The following SYK variants were observed in gnomAD, a reference collection of about 807,000 sequenced individuals.
SYK encodes the protein spleen associated tyrosine kinase.
Under a neutral mutation model 77.8 loss-of-function variants are expected in SYK, and 16 were observed. That is an observed-to-expected ratio of 0.21 (90% CI 0.14 to 0.31). The LOEUF is 0.31. SYK is among the 10% of genes least tolerant of loss of function. SYK has a pLI of 1.00. For synonymous variants in SYK, 312 were observed against 308.7 expected (o/e 1.01, Z -0.11); for missense variants, 529 against 814.4 (o/e 0.65, Z 4.26).
At chr9:90,849,249 A>AT (rs1024550173) in intron 3 of SYK, among the ~76,000 whole-genome samples, 8 of 152,094 alleles carry the variant, frequency 5.3e-5, no homozygotes, top group South Asian at 2.1e-4. Context: ...AAATGTGTTG[A>AT]TTTTTTTATC....
At chr9:90,842,758 AGTGTGTGTGT>A (rs60139969) in intron 1 of SYK, among the ~76,000 whole-genome samples, 1 of 58,348 alleles carries the variant, frequency 1.7e-5, no homozygotes, top group Non-Finnish European at 3.9e-5. Flanking sequence ...GTATGGAGAG[AGTGTGTGTGT>A]GTGTGTGTGT....
At chr9:90,887,692 T>C in intron 11 of SYK, 57 bp from the exon 12 acceptor site, 3 of 1,538,808 alleles carry the variant, frequency 1.9e-6, no homozygotes, top group Admixed American at 1.9e-5. Context: ...CATGAACCAA[T>C]GTGCCCGGCC....
intron 3 of SYK, among the ~76,000 whole-genome samples, chr9:90,845,829 G>A (rs1040584056): frequency 1.3e-5 from 2 of 152,176 alleles, no homozygotes; most frequent in Non-Finnish European, 2.9e-5. Flanking sequence ...TTTGGGCACC[G>A]AGGGATGTAA....
Position 90,822,837 on chromosome 9 carries a change from A to G in SYK, c.-42+20944A>G, listed in dbSNP as rs182707922. On this transcript the variant is annotated intron_variant, in intron 1 of 13. Coordinates refer to ENST00000375754, the MANE Select transcript of SYK (RefSeq NM_003177.7). ...GCCCCTGAGGTCCACACCTGGAGCT[A>G]ATCATCTCTTTGAATAACACTGTAG... Among the ~76,000 whole-genome samples the G allele has an allele frequency of 3.3e-5, 5 of 152,348 alleles. No homozygotes were observed. In the East Asian group the frequency reaches 7.7e-4, roughly 24 times the overall value.
intron 13 of SYK, among the ~76,000 whole-genome samples, chr9:90,891,290 C>T (rs575065833): frequency 6.6e-5 from 10 of 152,070 alleles, no homozygotes; most frequent in South Asian, 2.1e-4. Context: ...GGACTACAGG[C>T]GCCCGCCACC....
chr9:90,861,375 C>T (rs780362038), intron 3 of SYK, among the ~76,000 whole-genome samples: 5 of 152,322 alleles, frequency 3.3e-5, no homozygotes, highest in Middle Eastern at 3.4e-3. Flanking sequence ...CTGCTCAGCA[C>T]GGCCAGCACA....
At chr9:90,827,193 G>T (rs1296647692) in intron 1 of SYK, among the ~76,000 whole-genome samples, 1 of 152,016 alleles carries the variant, frequency 6.6e-6, no homozygotes, top group African/African-American at 2.4e-5. Context: ...GCATTTCCAG[G>T]CTGGCTAAGC....
chr9:90,804,074 G>A (rs781303047), intron 1 of SYK, among the ~76,000 whole-genome samples: 1 of 151,952 alleles, frequency 6.6e-6, no homozygotes, highest in Non-Finnish European at 1.5e-5. Context: ...GAGGGACTGA[G>A]TCTGTATTAG....
chr9:90,865,072 C>T lies in SYK; in HGVS notation c.821C>T (p.Pro274Leu). The T allele has an allele frequency of 1.2e-6, 2 of 1,614,126 alleles. No homozygotes were observed. Among genetic ancestry groups the T allele is most frequent in the Non-Finnish European group, 1.7e-6 (2 of 1,180,004 alleles). The part of the protein sequence containing the change: ...TQGNVNFGGR[P>L]QLPGSHPATW... The stretch of plus-strand genomic sequence containing the variant: ...GGAAATGTTAATTTTGGAGGCCGTC[C>T]ACAACTTCCAGGTTCCCATCCTGCG... The change falls in exon 6 of 14, where the codon CCA becomes CTA. Residue 274 changes from proline (P) to leucine (L), a missense_variant. Physicochemically the swap from Pro to Leu is moderately conservative, Grantham distance 98. Coordinates refer to ENST00000375754, the MANE Select transcript of SYK (RefSeq NM_003177.7).
chr9:90,845,321 A>G, intron 2 of SYK, 113 bp from the exon 3 acceptor site: 2 of 1,119,510 alleles, frequency 1.8e-6, no homozygotes, highest in Non-Finnish European at 2.5e-6. Context: ...ATGAGTGAAT[A>G]AGTTTTGATC....
chr9:90,837,026 T>C (rs1826110677), intron 1 of SYK, among the ~76,000 whole-genome samples: 1 of 152,084 alleles, frequency 6.6e-6, no homozygotes, highest in Non-Finnish European at 1.5e-5. Flanking sequence ...AAGAATATAG[T>C]ATATGATACA....
At chr9:90,859,690 G>A (rs1429603525) in intron 3 of SYK, among the ~76,000 whole-genome samples, 1 of 152,148 alleles carries the variant, frequency 6.6e-6, no homozygotes, top group Non-Finnish European at 1.5e-5. Flanking sequence ...AAGTGGGTGA[G>A]CCCATTTATG....
chr9:90,867,485 C>T lies in SYK; in HGVS notation c.915+286C>T, dbSNP rs921379679. 1.2e-4 allele frequency among the ~76,000 whole-genome samples: 19 copies of T among 152,182 alleles called. 2 individuals carry two copies. The highest frequency in any genetic ancestry group is 2.9e-5 in the Non-Finnish European group (2 of 68,038). On this transcript the variant is annotated intron_variant, in intron 7 of 13. Transcript: ENST00000375754. ...TAAAGTCGTTTCAGTTGGCGTCATC[C>T]GTCATAGCTAATTATCATGTCCGAA...
rs290975 is a variant in SYK at position 90,826,274 on chromosome 9, G to C, written c.-41-17584G>C. On this transcript the variant is annotated intron_variant, in intron 1 of 13. Transcript: ENST00000375754. ...TGACCCTCCTGAGGCTCGATGACCA[G>C]GTCTGTGAATTGAGGATAACAATAG... 1.9e-3 allele frequency among the ~76,000 whole-genome samples: 296 copies of C among 152,232 alleles called. 1 individual carries two copies. The highest frequency in any genetic ancestry group is 6.9e-3 in the African/African-American group (288 of 41,576).
intron 1 of SYK, among the ~76,000 whole-genome samples, chr9:90,819,242 A>G (rs1167588490): frequency 6.6e-6 from 1 of 152,342 alleles, no homozygotes; most frequent in Admixed American, 6.5e-5. Flanking sequence ...GAGATAATAT[A>G]TGGTTGATCC....
intron 3 of SYK, among the ~76,000 whole-genome samples, chr9:90,858,767 A>G (rs190114984): frequency 3.3e-5 from 5 of 152,314 alleles, no homozygotes; most frequent in African/African-American, 1.2e-4. Flanking sequence ...TTTGCCACCT[A>G]CAGATGCTGG....
chr9:90,871,663 T>C (rs1827730963), intron 7 of SYK, among the ~76,000 whole-genome samples: 2 of 152,228 alleles, frequency 1.3e-5, no homozygotes, highest in Non-Finnish European at 1.5e-5. Context: ...TTTAACTGAC[T>C]CAATAGGAAA....
In SYK at chr9:90,833,765, G is replaced by T. The variant is rs114551543; in HGVS notation, c.-41-10093G>T. Among the ~76,000 whole-genome samples the T allele has an allele frequency of 8.0e-3, 1,219 of 152,304 alleles. 15 individuals are homozygous for T. The highest frequency in any genetic ancestry group is 0.027 in the African/African-American group (1,128 of 41,552). On this transcript the variant is annotated intron_variant, in intron 1 of 13. Coordinates refer to ENST00000375754, the MANE Select transcript of SYK (RefSeq NM_003177.7). Reference sequence around the variant, plus strand: ...TTCCCAACTAAATGCATTTTAAAGGGCAAAGGTTGTATAGTCAGCTTTAGT... The same window carrying T: ...TTCCCAACTAAATGCATTTTAAAGGTCAAAGGTTGTATAGTCAGCTTTAGT...
At chr9:90,803,675 C>T (rs1359333591) in intron 1 of SYK, among the ~76,000 whole-genome samples, 1 of 152,004 alleles carries the variant, frequency 6.6e-6, no homozygotes, top group African/African-American at 2.4e-5. Flanking sequence ...TTATTTAGCA[C>T]ATTGTTTGCC....
Sources: gnomAD v4.1 joint callset for allele counts (sites outside exome capture counted in the v4.1 genomes callset) on GRCh38, gnomAD v4.1.1 for gene constraint, MANE v1.5 for transcripts, NCBI Gene and HGNC (gene_info 2026-07-23, HGNC 2026-07-21) for gene names.